PLPPR1: variants seen among roughly 807,000 people sequenced by gnomAD.
PLPPR1 encodes the protein phospholipid phosphatase related 1.
A neutral mutation model predicts 33.1 loss-of-function variants in PLPPR1; 10 were observed. The ratio of observed to expected loss-of-function variants is 0.30; its 90% CI spans 0.19 to 0.51. The LOEUF is 0.51. Ranked by LOEUF, PLPPR1 falls within the 20% of genes least tolerant of loss-of-function variation. The pLI is 0.97. For synonymous variants in PLPPR1, 151 were observed against 151.0 expected (o/e 1.00, Z 0.00); for missense variants, 304 against 408.1 (o/e 0.74, Z 2.20).
chr9:101,270,247 G>T (rs1828070782), intron 3 of PLPPR1, among the ~76,000 whole-genome samples, 179 bp downstream of exon 3: 2 of 152,180 alleles, frequency 1.3e-5, no homozygotes, highest in South Asian at 4.1e-4. Flanking sequence ...CATAGGTCTT[G>T]TCTTGTATGG....
chr9:101,178,502 T>C (rs1045489808), intron 1 of PLPPR1, among the ~76,000 whole-genome samples: 1 of 152,188 alleles, frequency 6.6e-6, no homozygotes, highest in African/African-American at 2.4e-5. Flanking sequence ...TGTGAACGTA[T>C]GGAATGCCTT....
At chr9:101,093,824 G>C (rs923306347) in intron 1 of PLPPR1, among the ~76,000 whole-genome samples, 1 of 152,178 alleles carries the variant, frequency 6.6e-6, no homozygotes, top group Non-Finnish European at 1.5e-5. Flanking sequence ...ATCATTGCCA[G>C]CATTCCTGGA....
intron 1 of PLPPR1, among the ~76,000 whole-genome samples, chr9:101,127,186 C>T (rs1229925394): frequency 6.6e-6 from 1 of 152,246 alleles, no homozygotes; most frequent in East Asian, 1.9e-4. Context: ...TAGACATCCT[C>T]GGGTGTCCTT....
rs1393277926 is a variant in PLPPR1 at position 101,028,958 on chromosome 9, C to G, written c.-190C>G. 6.5e-6 allele frequency: 1 copy of G among 152,994 alleles called. No individual in the cohort carries two copies. Among genetic ancestry groups the G allele is most frequent in the Non-Finnish European group, 1.5e-5 (1 of 68,484 alleles). The allele number at this position is 152,994 out of a possible 1,614,324, so 9.5% of individuals were successfully genotyped here. A position where few individuals can be genotyped will look rare whatever the true frequency, so the allele number is the denominator to read the frequency against. On this transcript the variant is annotated 5_prime_UTR_variant, in exon 1 of 8. Transcript: ENST00000374874. Reference sequence around the variant, plus strand: ...AAACACACACTCGTACACGCCCGCGCCGCTCGCTCGCCGGCTTGCTCTCCC... The same window carrying G: ...AAACACACACTCGTACACGCCCGCGGCGCTCGCTCGCCGGCTTGCTCTCCC...
chr9:101,184,775 C>T (rs1399969945), intron 1 of PLPPR1, among the ~76,000 whole-genome samples: 1 of 151,844 alleles, frequency 6.6e-6, no homozygotes, highest in Non-Finnish European at 1.5e-5. Flanking sequence ...CTGCTATTGC[C>T]CAGCTACTCC....
At chr9:101,097,830 G>A (rs1830840679) in intron 1 of PLPPR1, among the ~76,000 whole-genome samples, 1 of 152,126 alleles carries the variant, frequency 6.6e-6, no homozygotes, top group South Asian at 2.1e-4. Flanking sequence ...GGTAGGTGGG[G>A]GAGGTATTTC....
At chr9:101,182,042 T>C (rs1416846800) in intron 1 of PLPPR1, among the ~76,000 whole-genome samples, 2 of 151,314 alleles carry the variant, frequency 1.3e-5, no homozygotes, top group South Asian at 2.1e-4. Flanking sequence ...GGTGAACATA[T>C]ATATGTAGTA....
At chr9:101,134,030 T>C (rs58088765) in intron 1 of PLPPR1, among the ~76,000 whole-genome samples, 23,593 of 152,198 alleles carry the variant, frequency 0.16, 2,124 homozygotes, top group Non-Finnish European at 0.2. Flanking sequence ...ATGGAAAGCA[T>C]TCAAATATTT....
intron 4 of PLPPR1, among the ~76,000 whole-genome samples, chr9:101,292,448 A>G (rs1386945961): frequency 2.0e-5 from 3 of 152,180 alleles, no homozygotes; most frequent in Non-Finnish European, 4.4e-5. Flanking sequence ...GAATGCCACA[A>G]ACATACTCCT....
chr9:101,078,242 C>T (rs758329917), intron 1 of PLPPR1, among the ~76,000 whole-genome samples: 1 of 108,922 alleles, frequency 9.2e-6, no homozygotes, highest in Non-Finnish European at 1.8e-5. Flanking sequence ...TCAAAGGCTC[C>T]AGGTAGGGTC....
At chr9:101,119,728 T>A (rs1247646163) in intron 1 of PLPPR1, among the ~76,000 whole-genome samples, 1 of 152,226 alleles carries the variant, frequency 6.6e-6, no homozygotes, top group African/African-American at 2.4e-5. Context: ...CTGGATGAGA[T>A]GCCTTCCAGA....
chr9:101,285,797 T>TA (rs976962893), intron 3 of PLPPR1, among the ~76,000 whole-genome samples: 1 of 152,156 alleles, frequency 6.6e-6, no homozygotes, highest in Non-Finnish European at 1.5e-5. Flanking sequence ...CACAGAAAGT[T>TA]AAAAAAGAAT....
intron 1 of PLPPR1, among the ~76,000 whole-genome samples, chr9:101,070,886 G>C (rs1453403481): frequency 6.6e-6 from 1 of 152,018 alleles, no homozygotes; most frequent in African/African-American, 2.4e-5. Flanking sequence ...ACTTCAAAGA[G>C]GTGCTTCACA....
intron 1 of PLPPR1, among the ~76,000 whole-genome samples, chr9:101,050,032 G>A (rs1830199698): frequency 6.6e-6 from 1 of 150,618 alleles, no homozygotes; most frequent in South Asian, 2.1e-4. Flanking sequence ...GGCTGAGGCA[G>A]GAGAATTGCT....
chr9:101,238,162 C>CATATATATACCCTATATATATGCCCT (rs1338295518), intron 2 of PLPPR1, among the ~76,000 whole-genome samples: 1 of 136,234 alleles, frequency 7.3e-6, no homozygotes, highest in East Asian at 2.3e-4. Context: ...CATATACACA[C>CATATATATACCCTATATATATGCCCT]ATATATATAC....
At chr9:101,284,996 C>G (rs1385862995) in intron 3 of PLPPR1, among the ~76,000 whole-genome samples, 1 of 152,118 alleles carries the variant, frequency 6.6e-6, no homozygotes, top group Non-Finnish European at 1.5e-5. Context: ...CATGCACCAT[C>G]CATATGCTTT....
In PLPPR1 at chr9:101,324,046, G is replaced by A. The variant is rs1225180391; in HGVS notation, c.967G>A (p.Glu323Lys). 5.0e-6 allele frequency: 8 copies of A among 1,612,320 alleles called. No individual in the cohort carries two copies. Among genetic ancestry groups the A allele is most frequent in the East Asian group, 2.2e-5 (1 of 44,866 alleles). The change falls in exon 8 of 8, where the codon GAA (glutamate) becomes AAA (lysine). Residue 323 changes from glutamate (E) to lysine (K), a missense_variant. Physicochemically the swap from Glu to Lys is moderately conservative, Grantham distance 56. Transcript: ENST00000374874. ...ACAGAATCACTCTGCGTCCATGACC[G>A]AAGTTACCTGAGACGACTGATGTGT... ...SAQNHSASMTEVT is the reference protein window; with the variant it reads ...SAQNHSASMTKVT
At chr9:101,208,892 C>T (rs1441972512) in intron 2 of PLPPR1, among the ~76,000 whole-genome samples, 1 of 152,178 alleles carries the variant, frequency 6.6e-6, no homozygotes, top group African/African-American at 2.4e-5. Flanking sequence ...CTAACTTGGG[C>T]ATGCCATTTA....
intron 1 of PLPPR1, among the ~76,000 whole-genome samples, chr9:101,100,217 G>T (rs1312830468): frequency 6.6e-6 from 1 of 152,028 alleles, no homozygotes; most frequent in East Asian, 1.9e-4. Context: ...AGATAAAAAG[G>T]TCTGATTTAA....
Sources: gnomAD v4.1 joint callset for allele counts (sites outside exome capture counted in the v4.1 genomes callset) on GRCh38, gnomAD v4.1.1 for gene constraint, MANE v1.5 for transcripts, NCBI Gene and HGNC (gene_info 2026-07-23, HGNC 2026-07-21) for gene names.